Variants in AFF2 observed in about 807,000 individuals in gnomAD.
AFF2 encodes AF4/FMR2 family member 2.
A neutral mutation model predicts 76.9 loss-of-function variants in AFF2; 14 were observed. The ratio of observed to expected loss-of-function variants is 0.18; its 90% confidence interval spans 0.12 to 0.28. The LOEUF (loss-of-function observed/expected upper bound fraction) is 0.28, where lower values mean the gene tolerates loss of function less well. AFF2 is among the 10% of genes least tolerant of loss of function. The probability of loss-of-function intolerance (pLI) is 1.00; values close to 1 mark genes in which losing one functional copy is unlikely to be tolerated. For missense variants in AFF2, 868 were observed against 1,001.1 expected (o/e 0.87, Z 1.79); for synonymous variants, 398 against 366.7 (o/e 1.09, Z -0.98).
intron 13 of AFF2, among the ~76,000 whole-genome samples, chrX:148,965,424 A>G (rs1242198850): frequency 9.0e-6 from 1 of 111,701 alleles, no homozygotes; most frequent in Non-Finnish European, 1.9e-5. Context: ...TCAATATATA[A>G]AGCTGATTAA....
At chrX:148,962,991 C>A in intron 13 of AFF2, 54 bp downstream of exon 13, 2 of 855,578 alleles carry the variant, frequency 2.3e-6, no homozygotes, top group Non-Finnish European at 3.4e-6. Context: ...AGTTAACCAG[C>A]TCATCTAACT....
chrX:148,871,357 G>C (rs2070973312), intron 7 of AFF2, among the ~76,000 whole-genome samples: 1 of 111,165 alleles, frequency 9.0e-6, no homozygotes, highest in Admixed American at 9.5e-5. Flanking sequence ...GAAGGACCCG[G>C]CCTTGCGTAG....
intron 3 of AFF2, among the ~76,000 whole-genome samples, chrX:148,751,674 A>ATC (rs1317589192): frequency 8.9e-6 from 1 of 111,820 alleles, no homozygotes; most frequent in African/African-American, 3.3e-5. Context: ...TAGAAAGCCC[A>ATC]TCTTGTCCTG....
intron 1 of AFF2, chrX:148,547,010 A>G (rs2052928673): frequency 8.9e-6 from 1 of 112,476 alleles, no homozygotes; most frequent in Admixed American, 9.4e-5. Flanking sequence ...CTTGCCCTCA[A>G]GGAATTTACA....
chrX:148,561,376 T>G (rs2053111271), intron 1 of AFF2, among the ~76,000 whole-genome samples: 1 of 112,060 alleles, frequency 8.9e-6, no homozygotes, highest in African/African-American at 3.2e-5. Flanking sequence ...GCTAAATGGG[T>G]AATGATAAAG....
At chrX:148,682,769 A>AT (rs1164952581) in intron 3 of AFF2, among the ~76,000 whole-genome samples, 1 of 112,126 alleles carries the variant, frequency 8.9e-6, no homozygotes, top group Non-Finnish European at 1.9e-5. Context: ...AACATTCTAT[A>AT]TTTTTTAGCA....
At chrX:148,722,859 G>A (rs940423543) in intron 3 of AFF2, among the ~76,000 whole-genome samples, 3 of 110,674 alleles carry the variant, frequency 2.7e-5, no homozygotes, top group African/African-American at 9.9e-5. Context: ...AGTCCTCTGG[G>A]CAATGTTCTC....
intron 7 of AFF2, among the ~76,000 whole-genome samples, chrX:148,853,808 A>G (rs1557275656): frequency 8.9e-6 from 1 of 112,106 alleles, no homozygotes; most frequent in Non-Finnish European, 1.9e-5. Context: ...TCCTAATTAG[A>G]TATCCCCAGC....
intron 1 of AFF2, among the ~76,000 whole-genome samples, chrX:148,521,002 A>G (rs2052591253): frequency 8.9e-6 from 1 of 112,453 alleles, no homozygotes; most frequent in Admixed American, 9.4e-5. Context: ...TTAGTGGAGC[A>G]TAAAGACGGC....
At chrX:148,551,426 G>A (rs1428750577) in intron 1 of AFF2, among the ~76,000 whole-genome samples, 2 of 88,401 alleles carry the variant, frequency 2.3e-5, no homozygotes, top group Non-Finnish European at 4.2e-5. Context: ...TACCAAATTA[G>A]TAGTAGAACT....
intron 1 of AFF2, among the ~76,000 whole-genome samples, chrX:148,504,921 G>T (rs1328950860): frequency 2.0e-5 from 2 of 101,578 alleles, no homozygotes; most frequent in Non-Finnish European, 4.0e-5. Context: ...GGATGGGAAG[G>T]TGTGGGAGAT....
intron 3 of AFF2, among the ~76,000 whole-genome samples, chrX:148,733,724 C>A (rs189534469): frequency 1.3e-3 from 141 of 111,802 alleles, no homozygotes; most frequent in Non-Finnish European, 2.1e-3. Context: ...TCAATAGATG[C>A]ACAACCCACC....
chrX:148,820,279 G>A (rs1451339428), intron 4 of AFF2, among the ~76,000 whole-genome samples: 2 of 111,278 alleles, frequency 1.8e-5, no homozygotes, highest in African/African-American at 6.5e-5. Context: ...CCATTTATTT[G>A]GGTTGGCTAC....
At chrX:148,657,522 G>T (rs1557257282) in intron 2 of AFF2, among the ~76,000 whole-genome samples, 1 of 112,204 alleles carries the variant, frequency 8.9e-6, no homozygotes, top group South Asian at 3.7e-4. Flanking sequence ...CTACTGATTT[G>T]TAGATAGCAT....
chrX:148,979,216 T>C lies in AFF2; in HGVS notation c.3570+761T>C, dbSNP rs1464624863. On this transcript the variant is annotated intron_variant, in intron 18 of 20. Transcript: ENST00000370460. The stretch of plus-strand genomic sequence containing the variant: ...TCTTTCTTGCCAAGTGCGTGAGACC[T>C]CTTGGCTAAATCATACCAAAGTAGT... Among the ~76,000 whole-genome samples the C allele has an allele frequency of 4.5e-5, 5 of 111,902 alleles. No individual in the cohort carries two copies. The Admixed American group carries it at 4.7e-4, about 11-fold the overall frequency.
chrX:148,973,734 A>C, intron 16 of AFF2, 127 bp downstream of exon 16: 1 of 704,428 alleles, frequency 1.4e-6, no homozygotes, highest in Non-Finnish European at 2.0e-6. Context: ...AAGTCATCAT[A>C]ATTAGTTCTT....
chrX:148,905,802 G>A (rs1459643368), intron 9 of AFF2, among the ~76,000 whole-genome samples: 2 of 112,491 alleles, frequency 1.8e-5, no homozygotes, highest in Non-Finnish European at 3.8e-5. Context: ...TATTCTAATG[G>A]CCTAGAAGCA....
chrX:149,000,449 T>A lies in AFF2; in HGVS notation c.*9117T>A, dbSNP rs1343999585. ...CCTGTGTGGCTTTGCATTTCAAATG[T>A]GTGGCGCACAAGCGTTTTGTTGGTG... On this transcript the variant is annotated 3_prime_UTR_variant, in exon 21 of 21. Coordinates refer to ENST00000370460, the MANE Select transcript of AFF2 (RefSeq NM_002025.4). 2 of 112,924 alleles carry A rather than the reference T, an allele frequency of 1.8e-5. No individual in the cohort carries two copies. The highest frequency in any genetic ancestry group is 3.7e-5 in the Non-Finnish European group (2 of 53,363). 9.3% of individuals were successfully genotyped at this position (112,924 alleles called of 1,213,427 possible).
chrX:148,693,520 G>A (rs2054678999), intron 3 of AFF2, among the ~76,000 whole-genome samples: 1 of 111,923 alleles, frequency 8.9e-6, no homozygotes, highest in Non-Finnish European at 1.9e-5. Context: ...ACATTTAATA[G>A]ATGTTTAGCT....
Sources: gnomAD v4.1 joint callset for allele counts (sites outside exome capture counted in the v4.1 genomes callset) on GRCh38, gnomAD v4.1.1 for gene constraint, MANE v1.5 for transcripts, NCBI Gene and HGNC (gene_info 2026-07-23, HGNC 2026-07-21) for gene names.